DOCK3: variants seen among roughly 807,000 people sequenced by gnomAD.
DOCK3 encodes dedicator of cytokinesis protein 3.
In DOCK3, 60 loss-of-function variants were observed where a neutral mutation model predicts 265.6. The observed-to-expected ratio is 0.23, with a 90% CI of 0.18 to 0.28. The LOEUF (loss-of-function observed/expected upper bound fraction) is 0.28, where lower values mean the gene tolerates loss of function less well. Among genes scored for constraint, DOCK3 ranks in the 10% least tolerant of loss-of-function variants. The pLI, the probability that DOCK3 is intolerant of heterozygous loss-of-function variation, is 1.00. For synonymous variants in DOCK3, 881 were observed against 938.0 expected, an observed-to-expected ratio of 0.94 and a Z score of 1.11; for missense variants, 1,981 against 2,594.3, an observed-to-expected ratio of 0.76 and a Z score of 5.14.
At chr3:50,908,072 G>A (rs4452323) in intron 4 of DOCK3, among the ~76,000 whole-genome samples, 14,358 of 151,312 alleles carry the variant, frequency 0.095, 848 homozygotes, top group Non-Finnish European at 0.12. Flanking sequence ...TGATATCCCT[G>A]TTATCATTAA....
At chr3:50,908,176 A>ATTTT (rs34822979) in intron 4 of DOCK3, among the ~76,000 whole-genome samples, 1 of 103,080 alleles carries the variant, frequency 9.7e-6, no homozygotes, top group African/African-American at 3.4e-5. Context: ...AGATTCATTG[A>ATTTT]TTTTTTTTTT....
intron 4 of DOCK3, among the ~76,000 whole-genome samples, chr3:50,905,067 G>T (rs991089240): frequency 6.6e-6 from 1 of 152,064 alleles, no homozygotes; most frequent in African/African-American, 2.4e-5. Flanking sequence ...AGATCAGATG[G>T]TTGTAGATGT....
intron 5 of DOCK3, among the ~76,000 whole-genome samples, chr3:50,939,988 T>A (rs945570424): frequency 6.6e-6 from 1 of 151,794 alleles, no homozygotes; most frequent in African/African-American, 2.4e-5. Context: ...GACACTAGAG[T>A]TTGAAAAGAA....
At chr3:51,008,941 A>C (rs2108750611) in intron 5 of DOCK3, among the ~76,000 whole-genome samples, 1 of 151,724 alleles carries the variant, frequency 6.6e-6, no homozygotes, top group South Asian at 2.1e-4. Context: ...CATATGTTGA[A>C]CCAGCCTTGC....
chr3:51,104,116 G>T (rs886896574), intron 9 of DOCK3, among the ~76,000 whole-genome samples: 1 of 152,166 alleles, frequency 6.6e-6, no homozygotes. Flanking sequence ...AGACCTAAAA[G>T]AATTGGGGCA....
At chr3:50,929,715 A>C (rs2050955622) in intron 4 of DOCK3, among the ~76,000 whole-genome samples, 1 of 152,116 alleles carries the variant, frequency 6.6e-6, no homozygotes, top group Non-Finnish European at 1.5e-5. Flanking sequence ...TTTACCTATA[A>C]TTGCTGTGTC....
chr3:50,819,442 A>G (rs2044278550), intron 2 of DOCK3, among the ~76,000 whole-genome samples: 2 of 152,182 alleles, frequency 1.3e-5, no homozygotes, highest in African/African-American at 4.8e-5. Context: ...TTCTCTTTTA[A>G]AGTGTATTGA....
chr3:51,134,001 G>T (rs990805937), intron 9 of DOCK3, among the ~76,000 whole-genome samples: 13 of 152,078 alleles, frequency 8.5e-5, no homozygotes, highest in African/African-American at 2.9e-4. Flanking sequence ...TCATCATTTA[G>T]TTCCCACTTA....
intron 6 of DOCK3, among the ~76,000 whole-genome samples, chr3:51,066,440 CA>C (rs2081593675): frequency 6.6e-6 from 1 of 152,122 alleles, no homozygotes; most frequent in Non-Finnish European, 1.5e-5. Flanking sequence ...GAATAAGTAT[CA>C]TACTGTCCTC....
intron 5 of DOCK3, among the ~76,000 whole-genome samples, chr3:50,971,921 G>A (rs1559880397): frequency 6.6e-6 from 1 of 152,232 alleles, no homozygotes; most frequent in Non-Finnish European, 1.5e-5. Context: ...GGTCCCCACA[G>A]GAGGTGGGGT....
intron 1 of DOCK3, among the ~76,000 whole-genome samples, chr3:50,748,663 A>G (rs948490141): frequency 1.3e-5 from 2 of 152,222 alleles, no homozygotes; most frequent in African/African-American, 4.8e-5. Flanking sequence ...TCCATGGCTT[A>G]GATGTAACAT....
At chr3:51,068,342 C>G (rs1033708534) in intron 6 of DOCK3, among the ~76,000 whole-genome samples, 4 of 151,906 alleles carry the variant, frequency 2.6e-5, no homozygotes, top group Non-Finnish European at 5.9e-5. Context: ...AGATCGAGAC[C>G]ATCCTGGCTA....
intron 1 of DOCK3, among the ~76,000 whole-genome samples, chr3:50,732,270 G>A (rs1342200086): frequency 1.3e-5 from 2 of 152,030 alleles, no homozygotes; most frequent in Non-Finnish European, 2.9e-5. Context: ...GTGGGGCTGG[G>A]GCAGGGAGAG....
At chr3:50,714,828 CT>C (rs1379405208) in intron 1 of DOCK3, among the ~76,000 whole-genome samples, 1 of 152,120 alleles carries the variant, frequency 6.6e-6, no homozygotes, top group African/African-American at 2.4e-5. Flanking sequence ...TTTCTCTTGC[CT>C]TTTGGCTCTT....
At chr3:51,178,790 A>G (rs2087117794) in intron 12 of DOCK3, among the ~76,000 whole-genome samples, 1 of 152,246 alleles carries the variant, frequency 6.6e-6, no homozygotes, top group African/African-American at 2.4e-5. Flanking sequence ...AGTATAGTAA[A>G]AAGATATTTT....
intron 5 of DOCK3, among the ~76,000 whole-genome samples, chr3:51,035,899 G>A (rs1412919628): frequency 6.6e-6 from 1 of 152,106 alleles, no homozygotes; most frequent in African/African-American, 2.4e-5. Context: ...ACAGAAGTCA[G>A]GGTCACCCTT....
chr3:50,733,074 G>C (rs926052563), intron 1 of DOCK3, among the ~76,000 whole-genome samples: 9 of 152,180 alleles, frequency 5.9e-5, no homozygotes, highest in Non-Finnish European at 5.9e-5. Flanking sequence ...AAGCCACCAT[G>C]CCTAGCCCAG....
intron 2 of DOCK3, among the ~76,000 whole-genome samples, chr3:50,822,444 C>CA (rs1292234485): frequency 6.6e-6 from 1 of 151,870 alleles, no homozygotes; most frequent in Non-Finnish European, 1.5e-5. Context: ...ATTACATTGT[C>CA]ACAATGATAT....
intron 12 of DOCK3, among the ~76,000 whole-genome samples, chr3:51,193,175 A>G (rs1164548444): frequency 6.6e-6 from 1 of 152,174 alleles, no homozygotes; most frequent in Non-Finnish European, 1.5e-5. Context: ...CTAGATAATA[A>G]TATGATTTTT....
Sources: gnomAD v4.1 joint callset for allele counts (sites outside exome capture counted in the v4.1 genomes callset) on GRCh38, gnomAD v4.1.1 for gene constraint, MANE v1.5 for transcripts, NCBI Gene and HGNC (gene_info 2026-07-23, HGNC 2026-07-21) for gene names.